Variants in KCNH6 observed in about 807,000 individuals in gnomAD.
KCNH6 encodes voltage-gated inwardly rectifying potassium channel KCNH6.
A neutral mutation model predicts 83.4 loss-of-function variants in KCNH6; 81 were observed. The observed-to-expected ratio is 0.97, with a 90% confidence interval of 0.81 to 1.17. The LOEUF is 1.17. KCNH6 is among the 50% of genes most tolerant of loss of function. The probability of loss-of-function intolerance (pLI) is 0.00; values close to 1 mark genes in which losing one functional copy is unlikely to be tolerated. For missense variants in KCNH6, 1,203 were observed against 1,290.5 expected (o/e 0.93, Z 1.04); for synonymous variants, 503 against 545.6 (o/e 0.92, Z 1.09).
chr17:63,545,019 C>T, intron 11 of KCNH6, 59 bp from the exon 12 acceptor site: 3 of 1,535,996 alleles, frequency 2.0e-6, no homozygotes, highest in South Asian at 1.1e-5. Flanking sequence ...AGATTGACAG[C>T]TGCCCTCAGG....
Position 63,523,444 on chromosome 17 carries a change from C to CA in KCNH6, c.35dup (p.Asn12LysfsTer79). ...GGTCCGCAGGGGCCACGTCGCTCCC[C>CA]AAAACACTTACCTGGACACCATCAT... On this transcript the variant is annotated frameshift_variant, in exon 1 of 13. Transcript: ENST00000314672. LOFTEE classifies it high-confidence loss of function. The surrounding 1 kb of genome is among the most constrained non-coding windows in gnomAD (Gnocchi z 4.2). 1 of 1,606,172 alleles carries CA rather than the reference C, an allele frequency of 6.2e-7. No individual in the cohort carries two copies. The highest frequency in any genetic ancestry group is 8.5e-7 in the Non-Finnish European group (1 of 1,176,522).
rs1227933648 is a variant in KCNH6 at position 63,538,113 on chromosome 17, G to A, written c.1550G>A (p.Arg517His). ...IFGNVSAIIQRLYSGTARYHT... is the reference protein window; with the variant it reads ...IFGNVSAIIQHLYSGTARYHT... ...GGGAACGTGTCCGCGATCATCCAGCGCCTGTACTCGGGCACCGCGCGCTAC... is the reference window on the plus strand; with the variant it reads ...GGGAACGTGTCCGCGATCATCCAGCACCTGTACTCGGGCACCGCGCGCTAC... The change falls in exon 7 of 13, where the codon CGC becomes CAC. Residue 517 changes from arginine to histidine, a missense_variant. By Grantham distance (29) the Arg-to-His change is conservative. Coordinates refer to ENST00000314672, the MANE Select transcript of KCNH6 (RefSeq NM_001278919.2). This position sits in a 1 kb window ranked among gnomAD's most constrained non-coding sequence, Gnocchi z 4.0. 7 of 1,613,908 alleles carry A rather than the reference G, an allele frequency of 4.3e-6. No individual in the cohort carries two copies. Among genetic ancestry groups the A allele is most frequent in the African/African-American group, 1.3e-5 (1 of 74,922 alleles).
At chr17:63,544,802 T>G (rs2033063247) in intron 11 of KCNH6, among the ~76,000 whole-genome samples, 1 of 151,916 alleles carries the variant, frequency 6.6e-6, no homozygotes, top group African/African-American at 2.4e-5. Context: ...AGTTTGCCCT[T>G]TTGTGAAATG....
At chr17:63,544,519 A>G in intron 11 of KCNH6, 108 bp downstream of exon 11, 3 of 937,214 alleles carry the variant, frequency 3.2e-6, no homozygotes, top group South Asian at 4.6e-5. Flanking sequence ...CAGGCCATTT[A>G]GCTGCAGGTC....
At position 63,534,729 on chromosome 17, in the gene KCNH6, G is replaced by A. The variant is rs959853992; in HGVS notation, c.1101+418G>A. On this transcript the variant is annotated intron_variant, in intron 5 of 12. Transcript: ENST00000314672. The surrounding 1 kb of genome is among the most constrained non-coding windows in gnomAD (Gnocchi z 5.0). ...TATGTCCACCTGGCTGCCCATAGGT[G>A]ACGTGAAGGCATCTACATGCCTTTC... Among the ~76,000 whole-genome samples the A allele has an allele frequency of 2.6e-5, 4 of 152,106 alleles. No individual in the cohort carries two copies. Among genetic ancestry groups the A allele is most frequent in the African/African-American group, 9.7e-5 (4 of 41,400 alleles).
chr17:63,539,032 TG>T (rs2032711089), intron 8 of KCNH6, among the ~76,000 whole-genome samples: 1 of 152,124 alleles, frequency 6.6e-6, no homozygotes. Context: ...GTGGATGCCC[TG>T]GCTGGGGACC....
At chr17:63,526,320 C>A (rs777596578) in intron 2 of KCNH6, among the ~76,000 whole-genome samples, 2 of 151,902 alleles carry the variant, frequency 1.3e-5, no homozygotes, top group African/African-American at 4.8e-5. Context: ...GCCTGCATTA[C>A]ACTAAGGGAA....
At chr17:63,548,239 G>A (rs547994703), downstream of KCNH6, among the ~76,000 whole-genome samples, 6 of 151,848 alleles carry the variant, frequency 4.0e-5, no homozygotes, top group Non-Finnish European at 8.8e-5. Context: ...GCACTCCAGC[G>A]TGGGCAACAG....
At chr17:63,536,090 G>T (rs146405382) in intron 6 of KCNH6, 22 bp downstream of exon 6, 1 of 1,606,064 alleles carries the variant, frequency 6.2e-7, no homozygotes, top group Non-Finnish European at 8.5e-7. Context: ...CTCATGCCAC[G>T]GCCTAACTTC....
Position 63,523,514 on chromosome 17 carries a change from G to A in KCNH6, c.76+25G>A. On this transcript the variant is annotated intron_variant, in intron 1 of 12. Coordinates refer to ENST00000314672, the MANE Select transcript of KCNH6 (RefSeq NM_001278919.2). This position sits in a 1 kb window ranked among gnomAD's most constrained non-coding sequence, Gnocchi z 4.2. ...AGTGAGTGTGTGTATGTTGGGGCGG[G>A]GGGACGATCTGGAGTCCTGGTTCCG... is the stretch of plus-strand genomic sequence containing the variant. 1.3e-6 allele frequency: 2 copies of A among 1,590,980 alleles called. No individual in the cohort carries two copies. Among genetic ancestry groups the A allele is most frequent in the Non-Finnish European group, 1.7e-6 (2 of 1,168,112 alleles).
intron 9 of KCNH6, among the ~76,000 whole-genome samples, chr17:63,542,751 G>C (rs118138685): frequency 0.03 from 4,533 of 152,204 alleles, 100 homozygotes; most frequent in Non-Finnish European, 0.048. Context: ...GCTAGTCAAC[G>C]GCAGAGCCAA....
chr17:63,530,047 A>C (rs1597979058), intron 2 of KCNH6, 44 bp from the exon 3 acceptor site: 1 of 1,600,402 alleles, frequency 6.2e-7, no homozygotes, highest in South Asian at 1.1e-5. Context: ...GCAGGAGGGG[A>C]CCCCTTCAGG....
chr17:63,548,206 T>C (rs2033184840), downstream of KCNH6, among the ~76,000 whole-genome samples: 1 of 151,912 alleles, frequency 6.6e-6, no homozygotes, highest in South Asian at 2.1e-4. Flanking sequence ...GTGGAGCTTG[T>C]AGTGAGCCAA....
rs768745872 is a variant in KCNH6, at chr17:63,536,057, T to A, written c.1490T>A (p.Met497Lys). ...NSEKVFSICVMLIGSLMYASI... is the reference protein window; with the variant it reads ...NSEKVFSICVKLIGSLMYASI... ...GAGAAGGTCTTCTCCATCTGCGTCA[T>A]GCTCATCGGCTGTGAGTGAGACCTC... The change falls in exon 6 of 13, where the codon ATG (methionine) becomes AAG (lysine). Residue 497 changes from methionine to lysine, a missense_variant. Met to Lys is a moderately conservative substitution (Grantham distance 95). Transcript: ENST00000314672. 1 of 1,613,192 alleles carries A rather than the reference T, an allele frequency of 6.2e-7. No individual in the cohort carries two copies. Among genetic ancestry groups the A allele is most frequent in the Non-Finnish European group, 8.5e-7 (1 of 1,179,830 alleles).
chr17:63,535,437 G>A lies in KCNH6; in HGVS notation c.1102-232G>A, dbSNP rs963673177. 3.3e-5 allele frequency among the ~76,000 whole-genome samples: 5 copies of A among 152,178 alleles called. No homozygotes were observed. The highest frequency in any genetic ancestry group is 5.9e-5 in the Non-Finnish European group (4 of 68,042). On this transcript the variant is annotated intron_variant, in intron 5 of 12. Coordinates refer to ENST00000314672, the MANE Select transcript of KCNH6 (RefSeq NM_001278919.2). This position sits in a 1 kb window ranked among gnomAD's most constrained non-coding sequence, Gnocchi z 4.9. ...GCCTCCCCTGACCTCCCCTTCCTCT[G>A]TTCTCCCACTGGACTTCTGTCCTAG...
At position 63,545,731 on chromosome 17, in the gene KCNH6, T is replaced by G. The variant is rs1270308265; in HGVS notation, c.2706T>G (p.Pro902=). ...TLAPSSEQEQ[P]EGLWPPLASP... ...CACCATCCTCAGAACAGGAACAGCC[T>G]GAGGGGCTCTGGCCACCCCTAGCCT... Residue 902 remains proline (P), a synonymous_variant, in exon 13 of 13, where the codon CCT becomes CCG. Coordinates refer to ENST00000314672, the MANE Select transcript of KCNH6 (RefSeq NM_001278919.2). 40 of 1,613,988 alleles carry G rather than the reference T, an allele frequency of 2.5e-5. No individual in the cohort carries two copies. Among genetic ancestry groups the G allele is most frequent in the Non-Finnish European group, 3.3e-5 (39 of 1,180,028 alleles).
Position 63,523,619 on chromosome 17 carries a change from C to T in KCNH6, c.76+130C>T. On this transcript the variant is annotated intron_variant, in intron 1 of 12. Transcript: ENST00000314672. The surrounding 1 kb of genome is among the most constrained non-coding windows in gnomAD (Gnocchi z 4.2). ...GCCGGGTGCTGAATGAAAAATCCTT[C>T]TTTTGATGTCCCCAACACCTTCTCC... is the stretch of plus-strand genomic sequence containing the variant. 1.3e-6 allele frequency: 1 copy of T among 741,182 alleles called. No homozygotes were observed. The highest frequency in any genetic ancestry group is 2.1e-6 in the Non-Finnish European group (1 of 472,584). 45.9% of individuals were successfully genotyped at this position (741,182 alleles called of 1,614,324 possible).
At position 63,535,542 on chromosome 17, in the gene KCNH6, G is replaced by A; in HGVS notation, c.1102-127G>A. 1.1e-6 allele frequency: 1 copy of A among 877,062 alleles called. No homozygotes were observed. 54.3% of individuals were successfully genotyped at this position (877,062 alleles called of 1,614,324 possible). A position where few individuals can be genotyped will look rare whatever the true frequency, so the allele number is the denominator to read the frequency against. ...GCCACACTGCCAAGTGCGTGGCCCG[G>A]AGGAAGTTCTCCATAAATGTTTGTT... On this transcript the variant is annotated intron_variant, in intron 5 of 12. Coordinates refer to ENST00000314672, the MANE Select transcript of KCNH6 (RefSeq NM_001278919.2). The surrounding 1 kb of genome is among the most constrained non-coding windows in gnomAD (Gnocchi z 4.9).
intron 4 of KCNH6, among the ~76,000 whole-genome samples, chr17:63,532,292 A>G (rs1212700321): frequency 6.6e-6 from 1 of 152,114 alleles, no homozygotes; most frequent in African/African-American, 2.4e-5. Context: ...GAGGAGGAGG[A>G]GCAGCTCTGA....
Sources: gnomAD v4.1 joint callset for allele counts (sites outside exome capture counted in the v4.1 genomes callset) on GRCh38, gnomAD v4.1.1 for gene constraint, Gnocchi (gnomAD v3.1) non-coding constraint, MANE v1.5 for transcripts, NCBI Gene and HGNC (gene_info 2026-07-23, HGNC 2026-07-21) for gene names.